TMEM272: variants seen among roughly 807,000 people sequenced by gnomAD.
The protein encoded by TMEM272 is long intergenic non-protein coding RNA 282.
TMEM272 carries 8 observed loss-of-function variants against 3.7 expected under a neutral mutation model. That is an observed-to-expected ratio of 2.17 (90% CI 1.27 to 3.91). TMEM272 has a LOEUF of 3.91. Ranked by LOEUF, TMEM272 falls within the 30% of genes most tolerant of loss-of-function variation. TMEM272 has a pLI of 0.00. For missense variants in TMEM272, 166 were observed against 91.5 expected, an observed-to-expected ratio of 1.81 and a Z score of -3.32; for synonymous variants, 63 against 39.8, an observed-to-expected ratio of 1.58 and a Z score of -2.20.
chr13:51,902,262 G>A, the TMEM272 span, among the ~76,000 whole-genome samples: 332 of 152,346 alleles, frequency 2.2e-3, 2 homozygotes, highest in Non-Finnish European at 3.4e-3. Context: ...TACATTTTCA[G>A]TGTGGGACTG....
chr13:51,850,361 A>G, the TMEM272 span, among the ~76,000 whole-genome samples: 3 of 152,304 alleles, frequency 2.0e-5, no homozygotes, highest in African/African-American at 7.2e-5. Flanking sequence ...AATGCTATCC[A>G]CTTCTTTATT....
At chr13:51,903,709 T>A in the TMEM272 span, among the ~76,000 whole-genome samples, 1 of 152,300 alleles carries the variant, frequency 6.6e-6, no homozygotes, top group Non-Finnish European at 1.5e-5. Flanking sequence ...CAGACTTCAG[T>A]GGCAACCGAA....
the TMEM272 span, among the ~76,000 whole-genome samples, chr13:51,895,706 CT>C: frequency 6.6e-6 from 1 of 152,072 alleles, no homozygotes; most frequent in African/African-American, 2.4e-5. Context: ...ACCCTCTGCC[CT>C]GGGATGGGGG....
At chr13:51,827,002 C>T (rs888261203) in intron 2 of TMEM272, among the ~76,000 whole-genome samples, 2 of 152,210 alleles carry the variant, frequency 1.3e-5, no homozygotes, top group African/African-American at 4.8e-5. Flanking sequence ...TTCCTGGGTG[C>T]CTGTACTCAG....
Position 51,816,543 on chromosome 13 carries a change from T to C in TMEM272, c.*208A>G, listed in dbSNP as rs1956027694. 2 of 499,074 alleles carry C rather than the reference T, an allele frequency of 4.0e-6. No homozygotes were observed. Among genetic ancestry groups the C allele is most frequent in the Non-Finnish European group, 3.6e-6 (1 of 279,880 alleles). The allele number at this position is 499,074 out of a possible 1,614,324, so 30.9% of individuals were successfully genotyped here. On this transcript the variant is annotated 3_prime_UTR_variant, in exon 5 of 5. Coordinates refer to ENST00000629372, the MANE Select transcript of TMEM272 (RefSeq NM_001351003.2). ...GAAAAGAGCAGAAGTGATTTCCCCA[T>C]GTCTAGGAAGGCAAGAGTTTCTTTA...
chr13:51,928,021 T>A, the TMEM272 span, among the ~76,000 whole-genome samples: 61 of 152,166 alleles, frequency 4.0e-4, no homozygotes, highest in African/African-American at 1.5e-3. Flanking sequence ...TAACCTCCCC[T>A]ACATTCCGTG....
At chr13:51,848,722 A>G (rs1956318282), upstream of TMEM272, among the ~76,000 whole-genome samples, 1 of 152,188 alleles carries the variant, frequency 6.6e-6, no homozygotes, top group South Asian at 2.1e-4. Flanking sequence ...GGGAGATGCT[A>G]AAGTTGCCCA....
upstream of TMEM272, among the ~76,000 whole-genome samples, chr13:51,850,069 T>C (rs598957): frequency 0.97 from 148,159 of 152,280 alleles, 72,088 homozygotes; most frequent in East Asian, 1. Flanking sequence ...ATTAGCTGGG[T>C]GTAGGGGTGT....
At chr13:51,840,589 C>T (rs937307817) in intron 1 of TMEM272, among the ~76,000 whole-genome samples, 8 of 152,280 alleles carry the variant, frequency 5.3e-5, no homozygotes, top group East Asian at 1.9e-4. Flanking sequence ...CCAAAGGCAG[C>T]GCTTTGGATT....
chr13:51,889,759 A>C, the TMEM272 span, among the ~76,000 whole-genome samples: 10 of 152,232 alleles, frequency 6.6e-5, no homozygotes, highest in African/African-American at 2.4e-4. Context: ...CTCCCGCCTC[A>C]GCCACCCGAG....
chr13:51,871,001 T>C, the TMEM272 span, among the ~76,000 whole-genome samples: 14 of 152,054 alleles, frequency 9.2e-5, no homozygotes, highest in East Asian at 2.7e-3. Context: ...AATAAAATTG[T>C]ACATTATGTG....
the TMEM272 span, among the ~76,000 whole-genome samples, chr13:51,924,586 G>A: frequency 6.6e-6 from 1 of 152,124 alleles, no homozygotes; most frequent in Non-Finnish European, 1.5e-5. Context: ...GGGCAGAGAG[G>A]GGATGGTGGA....
the TMEM272 span, among the ~76,000 whole-genome samples, chr13:51,856,964 T>C: frequency 6.6e-6 from 1 of 152,214 alleles, no homozygotes; most frequent in Non-Finnish European, 1.5e-5. Context: ...GCACTTCTAT[T>C]TGGATTTCAG....
At chr13:51,902,270 C>A in the TMEM272 span, among the ~76,000 whole-genome samples, 67 of 152,278 alleles carry the variant, frequency 4.4e-4, no homozygotes, top group Non-Finnish European at 5.9e-5. Flanking sequence ...CAGTGTGGGA[C>A]TGAAGGGGTG....
chr13:51,929,281 T>C, the TMEM272 span, among the ~76,000 whole-genome samples: 1 of 152,220 alleles, frequency 6.6e-6, no homozygotes, highest in African/African-American at 2.4e-5. Context: ...GACTGTCGAG[T>C]CATCCTAACA....
chr13:51,905,857 G>A, the TMEM272 span, among the ~76,000 whole-genome samples: 5 of 152,310 alleles, frequency 3.3e-5, no homozygotes, highest in African/African-American at 9.6e-5. Context: ...CTGTGATGCC[G>A]CCTTCTCTTC....
At chr13:51,823,065 C>G (rs1164922485) in intron 3 of TMEM272, among the ~76,000 whole-genome samples, 1 of 152,146 alleles carries the variant, frequency 6.6e-6, no homozygotes, top group African/African-American at 2.4e-5. Flanking sequence ...TGTGGGACAC[C>G]TTGGGGCCAA....
the TMEM272 span, chr13:51,910,761 C>A: frequency 4.3e-4 from 154 of 356,734 alleles, no homozygotes; most frequent in Admixed American, 7.1e-4. Flanking sequence ...GAGTCAGCTG[C>A]GGGGGAATCT....
At chr13:51,890,360 A>C in the TMEM272 span, among the ~76,000 whole-genome samples, 2 of 152,048 alleles carry the variant, frequency 1.3e-5, no homozygotes, top group Non-Finnish European at 2.9e-5. Context: ...GTTAGTTTCC[A>C]CAAGAGCTAG....
Sources: allele counts gnomAD v4.1 joint callset (sites outside exome capture counted in the v4.1 genomes callset), GRCh38; gene constraint gnomAD v4.1.1; transcripts MANE v1.5; gene names NCBI Gene and HGNC (gene_info 2026-07-23, HGNC 2026-07-21).